WDR7: variants seen among roughly 807,000 people sequenced by gnomAD.
The protein encoded by WDR7 is WD repeat domain 7.
WDR7 carries 46 observed loss-of-function variants against 169.4 expected under a neutral mutation model. That is an observed-to-expected ratio of 0.27 (90% CI 0.21 to 0.35). The LOEUF is 0.35. Ranked by LOEUF, WDR7 falls within the 10% of genes least tolerant of loss-of-function variation. The pLI is 1.00. For synonymous variants in WDR7, 612 were observed against 666.8 expected (o/e 0.92, Z 1.27); for missense variants, 1,534 against 1,859.3 (o/e 0.83, Z 3.22).
At chr18:56,920,935 A>T (rs1250871964) in intron 21 of WDR7, among the ~76,000 whole-genome samples, 1 of 152,158 alleles carries the variant, frequency 6.6e-6, no homozygotes, top group African/African-American at 2.4e-5. Flanking sequence ...AAAACCCCTA[A>T]ATTAGAGAAT....
intron 19 of WDR7, among the ~76,000 whole-genome samples, chr18:56,808,616 G>A (rs2044816079): frequency 6.6e-6 from 1 of 152,054 alleles, no homozygotes; most frequent in Non-Finnish European, 1.5e-5. Context: ...TTAAAAATTA[G>A]TATTTTGTTC....
chr18:56,729,426 C>T (rs2026534270), intron 13 of WDR7, among the ~76,000 whole-genome samples: 1 of 152,056 alleles, frequency 6.6e-6, no homozygotes, highest in Admixed American at 6.5e-5. Context: ...AAGTAGTGTA[C>T]ATCTATTGAG....
At chr18:56,656,693 C>T (rs927630818) in intron 1 of WDR7, among the ~76,000 whole-genome samples, 6 of 151,784 alleles carry the variant, frequency 4.0e-5, no homozygotes, top group African/African-American at 7.3e-5. Flanking sequence ...CACTTTCTCT[C>T]ATCTTTGCCC....
chr18:56,736,609 G>A (rs542041817), intron 14 of WDR7, among the ~76,000 whole-genome samples: 58 of 151,552 alleles, frequency 3.8e-4, no homozygotes, highest in African/African-American at 1.4e-3. Flanking sequence ...AAGGTCTACA[G>A]TTTGTCAGAG....
intron 1 of WDR7, among the ~76,000 whole-genome samples, chr18:56,671,127 C>T (rs1269988777): frequency 6.6e-6 from 1 of 152,060 alleles, no homozygotes; most frequent in Admixed American, 6.6e-5. Context: ...AATTTAAATC[C>T]CTTCACCAGA....
At chr18:56,859,167 A>G (rs541342487) in intron 20 of WDR7, among the ~76,000 whole-genome samples, 11 of 152,208 alleles carry the variant, frequency 7.2e-5, no homozygotes, top group African/African-American at 2.4e-4. Flanking sequence ...CTGAATATCT[A>G]TGACTTTCTT....
intron 24 of WDR7, among the ~76,000 whole-genome samples, chr18:56,939,069 C>G (rs1426576189): frequency 6.6e-6 from 1 of 151,994 alleles, no homozygotes; most frequent in Non-Finnish European, 1.5e-5. Context: ...TATGAATTGA[C>G]TTTAAACTAA....
rs78732302 is a variant in WDR7, at chr18:56,742,679, A to G, written c.1989+11082A>G. ...GCGGGGTTGGCTGAGACATGCAGAA[A>G]GTATTGCGGAAGCCTGTCTCAGCTT... On this transcript the variant is annotated intron_variant, in intron 14 of 27. Coordinates refer to ENST00000254442, the MANE Select transcript of WDR7 (RefSeq NM_015285.3). 1.1e-3 allele frequency among the ~76,000 whole-genome samples: 174 copies of G among 152,326 alleles called. 4 individuals carry two copies. In the East Asian group the frequency reaches 0.026, roughly 22 times the overall value.
intron 19 of WDR7, among the ~76,000 whole-genome samples, chr18:56,814,675 T>A (rs2044932899): frequency 6.6e-6 from 1 of 152,114 alleles, no homozygotes; most frequent in African/African-American, 2.4e-5. Flanking sequence ...ACTGAAAAAC[T>A]ACTTCTTGGG....
At position 56,753,772 on chromosome 18, in the gene WDR7, C is replaced by T. The variant is rs575820669; in HGVS notation, c.1990-2811C>T. On this transcript the variant is annotated intron_variant, in intron 14 of 27. Coordinates refer to ENST00000254442, the MANE Select transcript of WDR7 (RefSeq NM_015285.3). ...CATTTTGGGAAGGGGAATAAGTAAA[C>T]GTATTTATATGTGAGGGGCCATAGT... 2.4e-4 allele frequency among the ~76,000 whole-genome samples: 36 copies of T among 151,872 alleles called. No homozygotes were observed. In the South Asian group the frequency reaches 6.9e-3, roughly 29 times the overall value.
chr18:56,962,499 C>G lies in WDR7; in HGVS notation c.4134C>G (p.Ala1378=). 1 of 1,612,738 alleles carries G rather than the reference C, an allele frequency of 6.2e-7. No individual in the cohort carries two copies. Among genetic ancestry groups the G allele is most frequent in the Non-Finnish European group, 8.5e-7 (1 of 1,179,250 alleles). Residue 1378 remains alanine, a synonymous_variant, in exon 26 of 28, where the codon GCC becomes GCG. Transcript: ENST00000254442. ...TTGGAGCTCGCCATGGTTCAGTGGC[C>G]CTGTACGACATCCGGACTGGAAAAT... The part of the protein sequence containing the change: ...IAVGARHGSV[A]LYDIRTGKCQ...
chr18:56,941,286 A>G (rs569915183), intron 25 of WDR7, among the ~76,000 whole-genome samples: 5,826 of 144,400 alleles, frequency 0.04, 140 homozygotes, highest in Non-Finnish European at 0.055. Flanking sequence ...ACAAAGGAGA[A>G]GGCATAATAA....
At chr18:56,722,826 C>T (rs1006812570) in intron 13 of WDR7, among the ~76,000 whole-genome samples, 3 of 151,994 alleles carry the variant, frequency 2.0e-5, no homozygotes, top group Non-Finnish European at 4.4e-5. Context: ...TTATTATTTC[C>T]AGTGTACCAT....
chr18:57,035,872 G>A, the WDR7 span: 1 of 152,246 alleles, frequency 6.6e-6, no homozygotes, highest in Non-Finnish European at 1.5e-5. Context: ...ACAGGCAAAA[G>A]AAATCGAAAA....
intron 25 of WDR7, among the ~76,000 whole-genome samples, chr18:56,949,174 A>G (rs1036521123): frequency 1.3e-5 from 2 of 149,238 alleles, no homozygotes; most frequent in Non-Finnish European, 2.9e-5. Flanking sequence ...GGCTACAAGC[A>G]ATCTTTGATT....
chr18:56,771,178 A>G (rs1054167368), intron 16 of WDR7, among the ~76,000 whole-genome samples: 3 of 152,218 alleles, frequency 2.0e-5, no homozygotes, highest in African/African-American at 7.2e-5. Flanking sequence ...TGTAAGTAGC[A>G]TATTTGAAAT....
intron 14 of WDR7, among the ~76,000 whole-genome samples, chr18:56,755,845 G>T (rs1251637090): frequency 6.6e-6 from 1 of 152,146 alleles, no homozygotes; most frequent in East Asian, 1.9e-4. Context: ...TGCTGGAGAG[G>T]TGGCTTCTTA....
At chr18:57,020,103 A>G (rs560350376) in intron 26 of WDR7, among the ~76,000 whole-genome samples, 10 of 152,342 alleles carry the variant, frequency 6.6e-5, no homozygotes, top group African/African-American at 2.2e-4. Context: ...AATCAATGAT[A>G]GCTATTTGGC....
At chr18:56,911,537 C>T (rs893287709) in intron 21 of WDR7, among the ~76,000 whole-genome samples, 3 of 152,148 alleles carry the variant, frequency 2.0e-5, no homozygotes, top group African/African-American at 4.8e-5. Flanking sequence ...TTTATTTCTC[C>T]TACACTTACT....
Sources: allele counts gnomAD v4.1 joint callset (sites outside exome capture counted in the v4.1 genomes callset), GRCh38; gene constraint gnomAD v4.1.1; transcripts MANE v1.5; gene names NCBI Gene and HGNC (gene_info 2026-07-23, HGNC 2026-07-21).